Variants in DNAH12 observed in about 807,000 individuals in gnomAD.
DNAH12 encodes dynein axonemal heavy chain 12, also known as axonemal beta dynein heavy chain 12.
DNAH12 carries 285 observed loss-of-function variants against 371.5 expected under a neutral mutation model. That is an observed-to-expected ratio of 0.77 (90% CI 0.70 to 0.85). The LOEUF (loss-of-function observed/expected upper bound fraction) is 0.85. Ranked by LOEUF, DNAH12 falls within the 40% of genes least tolerant of loss-of-function variation. The pLI, the probability that DNAH12 is intolerant of heterozygous loss-of-function variation, is 0.00. For synonymous variants in DNAH12, 1,200 were observed against 1,213.0 expected (o/e 0.99, Z 0.22); for missense variants, 3,611 against 3,689.4 (o/e 0.98, Z 0.55).
chr3:57,510,650 A>C (rs1158643500), intron 5 of DNAH12, 140 bp downstream of exon 5: 2 of 783,964 alleles, frequency 2.6e-6, no homozygotes, highest in Non-Finnish European at 4.0e-6. Context: ...AAAAAAAATA[A>C]AAAGAAAAGA....
intron 62 of DNAH12, among the ~76,000 whole-genome samples, chr3:57,328,740 G>C (rs1316969965): frequency 1.5e-5 from 2 of 130,884 alleles, no homozygotes; most frequent in Non-Finnish European, 3.2e-5. Flanking sequence ...GAAATAAAGG[G>C]TATTCAATTA....
intron 65 of DNAH12, among the ~76,000 whole-genome samples, chr3:57,320,451 C>T (rs920320155): frequency 5.3e-5 from 8 of 152,164 alleles, no homozygotes; most frequent in Admixed American, 2.0e-4. Flanking sequence ...GTAATTCAAA[C>T]GCCCAAGATA....
At chr3:57,444,637 C>T in intron 29 of DNAH12, 60 bp downstream of exon 29, 7 of 1,532,978 alleles carry the variant, frequency 4.6e-6, no homozygotes, top group Non-Finnish European at 5.3e-6. Context: ...TCTTGGTAAA[C>T]AATTGAGTCA....
chr3:57,432,486 G>A (rs1461266924), intron 32 of DNAH12, among the ~76,000 whole-genome samples: 1 of 148,404 alleles, frequency 6.7e-6, no homozygotes, highest in Admixed American at 6.9e-5. Context: ...GGCCTTGAGT[G>A]TATCTTTAAA....
intron 4 of DNAH12, among the ~76,000 whole-genome samples, chr3:57,521,025 T>C (rs1041056116): frequency 1.8e-4 from 21 of 118,276 alleles, no homozygotes; most frequent in Non-Finnish European, 4.9e-5. Context: ...GATCGCGCCA[T>C]TGCACTCCAG....
chr3:57,358,159 G>A (rs896723267), intron 58 of DNAH12, among the ~76,000 whole-genome samples: 3 of 152,042 alleles, frequency 2.0e-5, no homozygotes, highest in Non-Finnish European at 4.4e-5. Context: ...CAAGAGGCAG[G>A]GCTAGAACCA....
intron 25 of DNAH12, among the ~76,000 whole-genome samples, chr3:57,451,619 G>T (rs531205313): frequency 1.5e-4 from 23 of 152,264 alleles, no homozygotes; most frequent in Middle Eastern, 3.4e-3. Context: ...AGCCTGGGCG[G>T]CAGAGCGAGA....
Position 57,512,221 on chromosome 3 carries a change from T to C in DNAH12, c.280-1242A>G, listed in dbSNP as rs546567323. Among the ~76,000 whole-genome samples, 222 of 152,300 alleles carry C rather than the reference T, an allele frequency of 1.5e-3. 5 individuals are homozygous for C. The highest frequency in any genetic ancestry group is 3.4e-3 in the Middle Eastern group (1 of 294). On this transcript the variant is annotated intron_variant, in intron 4 of 73. Coordinates refer to ENST00000495027, the MANE Select transcript of DNAH12 (RefSeq NM_001366028.2). ...GGATGGGTGAACCTTAAGGACATTA[T>C]GCTAAGTGAAATAAGCCAATCACAA...
rs1289708280 is a variant in DNAH12 at position 57,334,578 on chromosome 3, G to A, written c.9865C>T (p.Arg3289Ter). The A allele has an allele frequency of 5.2e-6, 8 of 1,548,900 alleles. No homozygotes were observed. Among genetic ancestry groups the A allele is most frequent in the East Asian group, 4.9e-5 (2 of 40,840 alleles). The change falls in exon 62 of 74, where the codon CGA becomes TGA. Residue 3289 changes from arginine to a stop codon, truncating the protein, a stop_gained. Transcript: ENST00000495027. LOFTEE classifies it high-confidence loss of function. ...QHFCEHIYEW[R>*]EIYDSKEPHN... is the part of the protein sequence containing the mutation. ...GGCTCTTTACTGTCATAGATTTCTC[G>A]CCATTCATATATATGTTCACAAAAA...
chr3:57,508,200 C>CAAAAAAAAAA (rs11288020), intron 7 of DNAH12, among the ~76,000 whole-genome samples, 182 bp downstream of exon 7: 8 of 129,168 alleles, frequency 6.2e-5, no homozygotes, highest in Non-Finnish European at 6.4e-5. Flanking sequence ...AAAAAAAAAA[C>CAAAAAAAAAA]AAAAAAAAAA....
intron 11 of DNAH12, among the ~76,000 whole-genome samples, chr3:57,495,230 A>G (rs942243198): frequency 1.3e-5 from 2 of 152,158 alleles, no homozygotes; most frequent in African/African-American, 4.8e-5. Context: ...AATAAAAGCT[A>G]GAGTATTAGA....
At chr3:57,493,953 A>C (rs981363761) in intron 11 of DNAH12, among the ~76,000 whole-genome samples, 3 of 152,174 alleles carry the variant, frequency 2.0e-5, no homozygotes, top group African/African-American at 7.2e-5. Flanking sequence ...GATCAAGAAC[A>C]AGATAAGGGT....
At chr3:57,307,868 G>T (rs2061504454) in intron 69 of DNAH12, among the ~76,000 whole-genome samples, 1 of 152,114 alleles carries the variant, frequency 6.6e-6, no homozygotes, top group Non-Finnish European at 1.5e-5. Flanking sequence ...ACTGATGGCA[G>T]TTCCACCAGG....
chr3:57,307,518 G>A (rs1414297422), intron 69 of DNAH12, among the ~76,000 whole-genome samples: 1 of 152,172 alleles, frequency 6.6e-6, no homozygotes, highest in Non-Finnish European at 1.5e-5. Flanking sequence ...CCTCAAGTCT[G>A]CGTGCAGTGG....
intron 59 of DNAH12, among the ~76,000 whole-genome samples, chr3:57,355,769 T>C (rs2062783547): frequency 6.6e-6 from 1 of 152,120 alleles, no homozygotes; most frequent in African/African-American, 2.4e-5. Flanking sequence ...AAATCCCAAC[T>C]GAGAAGGGAT....
rs903337474 is a variant in DNAH12 at position 57,428,788 on chromosome 3, A to G, written c.5098T>C (p.Leu1700=). The G allele has an allele frequency of 2.1e-5, 32 of 1,546,480 alleles. No homozygotes were observed. Among genetic ancestry groups the G allele is most frequent in the Admixed American group, 1.4e-4 (7 of 49,320 alleles). The part of the protein sequence containing the change: ...ATVSRCGMIY[L]EPSQLGWEPL... Reference sequence around the variant, plus strand: ...TCCCATCCTAACTGTGAAGGCTCCAAATAAATCATACCACAACGACTTACA... The same window carrying G: ...TCCCATCCTAACTGTGAAGGCTCCAGATAAATCATACCACAACGACTTACA... Residue 1700 remains leucine, a synonymous_variant, in exon 34 of 74, where the codon TTG becomes CTG. Coordinates refer to ENST00000495027, the MANE Select transcript of DNAH12 (RefSeq NM_001366028.2).
intron 62 of DNAH12, among the ~76,000 whole-genome samples, chr3:57,329,985 G>A (rs1479224603): frequency 1.3e-5 from 2 of 151,520 alleles, no homozygotes; most frequent in Middle Eastern, 3.2e-3. Flanking sequence ...CTGGCCATCA[G>A]AGAAATGCAA....
chr3:57,410,135 T>C (rs921581147), intron 39 of DNAH12, among the ~76,000 whole-genome samples: 4 of 152,226 alleles, frequency 2.6e-5, no homozygotes, highest in Admixed American at 2.6e-4. Flanking sequence ...ATACCCCATT[T>C]TATTTCACTT....
At chr3:57,458,410 A>G (rs918070418) in intron 20 of DNAH12, among the ~76,000 whole-genome samples, 190 bp from the exon 21 acceptor site, 1 of 152,230 alleles carries the variant, frequency 6.6e-6, no homozygotes, top group Non-Finnish European at 1.5e-5. Flanking sequence ...AGTTACAAAT[A>G]CTTATCCAAG....
Sources: gnomAD v4.1 joint callset for allele counts (sites outside exome capture counted in the v4.1 genomes callset) on GRCh38, gnomAD v4.1.1 for gene constraint, MANE v1.5 for transcripts, NCBI Gene and HGNC (gene_info 2026-07-23, HGNC 2026-07-21) for gene names.